Variants in CDK13 observed in about 807,000 individuals in gnomAD.
CDK13 encodes cyclin-dependent kinase 13.
A neutral mutation model predicts 137.6 loss-of-function variants in CDK13; 40 were observed. The observed-to-expected ratio is 0.29, with a 90% confidence interval of 0.23 to 0.38. The LOEUF (loss-of-function observed/expected upper bound fraction) is 0.38. Ranked by LOEUF, CDK13 falls within the 10% of genes least tolerant of loss-of-function variation. The probability of loss-of-function intolerance (pLI) is 1.00; values close to 1 mark genes in which losing one functional copy is unlikely to be tolerated. For synonymous variants in CDK13, 869 were observed against 760.1 expected (o/e 1.14, Z -2.36); for missense variants, 1,704 against 1,951.8 (o/e 0.87, Z 2.39).
At chr7:40,051,364 G>C (rs1785884553) in intron 7 of CDK13, among the ~76,000 whole-genome samples, 1 of 151,648 alleles carries the variant, frequency 6.6e-6, no homozygotes, top group Non-Finnish European at 1.5e-5. Context: ...TTGCTCTAGT[G>C]AACCTTAATA....
At chr7:40,082,996 C>T (rs1786702162) in intron 11 of CDK13, among the ~76,000 whole-genome samples, 1 of 150,844 alleles carries the variant, frequency 6.6e-6, no homozygotes, top group Non-Finnish European at 1.5e-5. Flanking sequence ...CCAGCTACTC[C>T]AGAGGGTGAG....
Position 39,950,836 on chromosome 7 carries a change from C to T in CDK13, c.195C>T (p.Gly65=). 2.2e-6 allele frequency: 3 copies of T among 1,387,330 alleles called. No individual in the cohort carries two copies. Among genetic ancestry groups the T allele is most frequent in the Non-Finnish European group, 1.9e-6 (2 of 1,080,990 alleles). The allele number at this position is 1,387,330 out of a possible 1,614,324, so 85.9% of individuals were successfully genotyped here. ...CTCTGCTCTTCCTGGCTGCTCCCGG[C>T]ACGGCCGCCGCCGCAGCCGCCGCCG... The part of the protein sequence containing the change: ...PPPLLFLAAP[G]TAAAAAAAAA... Residue 65 remains glycine, a synonymous_variant, in exon 1 of 14, where the codon GGC becomes GGT. Transcript: ENST00000181839.
At chr7:40,048,303 CCAACT>C (rs1789880976) in intron 7 of CDK13, 1 of 153,572 alleles carries the variant, frequency 6.5e-6, no homozygotes, top group South Asian at 2.0e-4. Context: ...TTTATTTAAA[CCAACT>C]GTTGGGAGGA....
intron 2 of CDK13, among the ~76,000 whole-genome samples, chr7:39,994,644 G>A (rs1207249081): frequency 6.6e-6 from 1 of 152,026 alleles, no homozygotes; most frequent in African/African-American, 2.4e-5. Flanking sequence ...TAGAACTTTT[G>A]CTTTTTTAAA....
At chr7:39,985,935 G>C (rs1039809235) in intron 1 of CDK13, 6 of 152,198 alleles carry the variant, frequency 3.9e-5, no homozygotes, top group Admixed American at 2.0e-4. Context: ...AGAAAATGTG[G>C]CCATGAGGAG....
rs369067411 is a variant in CDK13 at position 40,055,708 on chromosome 7, A to C, written c.2601-7118A>C. On this transcript the variant is annotated intron_variant, in intron 7 of 13. Coordinates refer to ENST00000181839, the MANE Select transcript of CDK13 (RefSeq NM_003718.5). The stretch of plus-strand genomic sequence containing the variant: ...ATTCTCATGCCTCAGCCTTCTCAGC[A>C]GCTGGGATTACAGGCATGCACCGTG... 6.0e-4 allele frequency among the ~76,000 whole-genome samples: 91 copies of C among 151,514 alleles called. 3 individuals carry two copies. In the South Asian group the frequency reaches 0.017, roughly 29 times the overall value.
intron 1 of CDK13, among the ~76,000 whole-genome samples, chr7:39,963,551 A>G (rs1783799626): frequency 6.6e-6 from 1 of 152,214 alleles, no homozygotes; most frequent in South Asian, 2.1e-4. Flanking sequence ...TTCTAGATAT[A>G]CAATCATGTC....
intron 3 of CDK13, 41 bp downstream of exon 3, chr7:39,997,705 G>C: frequency 6.9e-7 from 1 of 1,455,926 alleles, no homozygotes. Context: ...TTGACCAGCA[G>C]TGATTCTGGG....
intron 9 of CDK13, among the ~76,000 whole-genome samples, chr7:40,076,826 C>T (rs1370364408): frequency 1.3e-5 from 2 of 152,034 alleles, no homozygotes; most frequent in Admixed American, 6.6e-5. Flanking sequence ...TTTGTATTTA[C>T]GTATGTTTGG....
At chr7:40,047,123 G>A (rs6960111) in intron 6 of CDK13, among the ~76,000 whole-genome samples, 81,661 of 151,708 alleles carry the variant, frequency 0.54, 23,821 homozygotes, top group African/African-American at 0.77. Context: ...TGGATCATCT[G>A]ATAAGCAATG....
intron 2 of CDK13, among the ~76,000 whole-genome samples, chr7:39,993,244 G>T (rs1392925740): frequency 6.6e-6 from 1 of 152,096 alleles, no homozygotes; most frequent in African/African-American, 2.4e-5. Flanking sequence ...AGCTGGCCTT[G>T]TTTTGTAAAT....
intron 5 of CDK13, among the ~76,000 whole-genome samples, chr7:40,030,493 T>C (rs947585141): frequency 7.1e-6 from 1 of 141,494 alleles, no homozygotes; most frequent in Non-Finnish European, 1.5e-5. Context: ...AGTGCAGTTG[T>C]GCCATTTCAG....
intron 1 of CDK13, among the ~76,000 whole-genome samples, chr7:39,981,371 A>T (rs564349270): frequency 9.8e-4 from 124 of 126,286 alleles, no homozygotes; most frequent in Non-Finnish European, 1.4e-3. Context: ...ACCCTGTCTT[A>T]AAAAAAAAAA....
At position 39,950,881 on chromosome 7, in the gene CDK13, C is replaced by T. The variant is rs1329376938; in HGVS notation, c.240C>T (p.Cys80=). The change falls in exon 1 of 14, where the codon TGC becomes TGT. Residue 80 remains cysteine (C), a synonymous_variant. Transcript: ENST00000181839. ...CCGCCGCCGCGGCCTCCTCCTCTTGCTTCAGCCCGGGCCCCCCTCTGGAGG... is the reference window on the plus strand; with the variant it reads ...CCGCCGCCGCGGCCTCCTCCTCTTGTTTCAGCCCGGGCCCCCCTCTGGAGG... The part of the protein sequence containing the change: ...AAAAAAASSS[C]FSPGPPLEVK... 3.3e-5 allele frequency: 45 copies of T among 1,360,412 alleles called. No individual in the cohort carries two copies. In the East Asian group the frequency reaches 1.1e-3, roughly 34 times the overall value. 84.3% of individuals were successfully genotyped at this position (1,360,412 alleles called of 1,614,324 possible). A position where few individuals can be genotyped will look rare whatever the true frequency, so the allele number is the denominator to read the frequency against.
intron 5 of CDK13, among the ~76,000 whole-genome samples, chr7:40,039,696 T>A (rs1464669561): frequency 2.0e-5 from 3 of 152,060 alleles, no homozygotes; most frequent in Non-Finnish European, 4.4e-5. Flanking sequence ...CCTCCCAAAG[T>A]ACTGGGATTA....
intron 11 of CDK13, among the ~76,000 whole-genome samples, chr7:40,080,841 G>A (rs1786649038): frequency 6.6e-6 from 1 of 152,104 alleles, no homozygotes; most frequent in Non-Finnish European, 1.5e-5. Flanking sequence ...ATATCATGTT[G>A]TGGAGGTGAC....
intron 9 of CDK13, among the ~76,000 whole-genome samples, chr7:40,065,779 TAATACATA>T (rs1367316553): frequency 6.6e-6 from 1 of 152,174 alleles, no homozygotes; most frequent in Non-Finnish European, 1.5e-5. Context: ...AAATGAATTA[TAATACATA>T]AAATGTAAAA....
intron 1 of CDK13, among the ~76,000 whole-genome samples, chr7:39,968,887 TATCCTG>T (rs1329161018): frequency 6.6e-6 from 1 of 152,220 alleles, no homozygotes; most frequent in East Asian, 1.9e-4. Flanking sequence ...TCTTACCGTA[TATCCTG>T]ATCACAATAC....
At chr7:40,002,873 T>A in intron 5 of CDK13, among the ~76,000 whole-genome samples, 1 of 132,234 alleles carries the variant, frequency 7.6e-6, no homozygotes, top group Admixed American at 8.6e-5. Context: ...AAGACCAGCC[T>A]AGGTAACATA....
Sources: gnomAD v4.1 joint callset for allele counts (sites outside exome capture counted in the v4.1 genomes callset) on GRCh38, gnomAD v4.1.1 for gene constraint, MANE v1.5 for transcripts, NCBI Gene and HGNC (gene_info 2026-07-23, HGNC 2026-07-21) for gene names.